Variants in ZBTB20 observed in about 807,000 individuals in gnomAD.
ZBTB20 encodes zinc finger and BTB domain containing 20, also known as zinc finger and BTB domain-containing protein 20.
In ZBTB20, 9 loss-of-function variants were observed where a neutral mutation model predicts 56.9. That is an observed-to-expected ratio of 0.16 (90% confidence interval 0.10 to 0.28). ZBTB20 has a LOEUF of 0.28. Ranked by LOEUF, ZBTB20 falls within the 10% of genes least tolerant of loss-of-function variation. ZBTB20 has a pLI of 1.00. For missense variants in ZBTB20, 655 were observed against 1,003.0 expected (o/e 0.65, Z 4.69); for synonymous variants, 417 against 420.7 (o/e 0.99, Z 0.11).
chr3:114,976,101 T>C lies in ZBTB20; in HGVS notation c.-506-1685A>G, dbSNP rs879477814. On this transcript the variant is annotated intron_variant, in intron 2 of 11. Transcript: ENST00000675478. ...ACAAACTTCTACAATGCATTCTTTA[T>C]TCTTCCATTCAATATTCATTCTAGC... Among the ~76,000 whole-genome samples the C allele has an allele frequency of 5.9e-5, 9 of 152,360 alleles. No individual in the cohort carries two copies. The East Asian group carries it at 1.5e-3, about 26-fold the overall frequency.
intron 4 of ZBTB20, among the ~76,000 whole-genome samples, chr3:114,869,336 T>A (rs1185685614): frequency 6.6e-6 from 1 of 152,224 alleles, no homozygotes; most frequent in Non-Finnish European, 1.5e-5. Context: ...TAAAATAGTC[T>A]TTTATTAATT....
rs1174421072 is a variant in ZBTB20 at position 114,636,729 on chromosome 3, CA to C, written c.-295+56798del. Reference sequence around the variant, plus strand: ...ATTGCTACAAAAGATAATCAAATCACAAAAAAAGACAGCAACAGAGGGACAA... The same window carrying C: ...ATTGCTACAAAAGATAATCAAATCACAAAAAAGACAGCAACAGAGGGACAA... On this transcript the variant is annotated intron_variant, in intron 6 of 11. Transcript: ENST00000675478. 3.3e-5 allele frequency among the ~76,000 whole-genome samples: 5 copies of C among 151,660 alleles called. No homozygotes were observed. In the East Asian group the frequency reaches 7.7e-4, roughly 24 times the overall value.
intron 2 of ZBTB20, among the ~76,000 whole-genome samples, chr3:114,990,886 T>C (rs761896666): frequency 5.3e-5 from 8 of 152,342 alleles, no homozygotes; most frequent in Non-Finnish European, 1.2e-4. Flanking sequence ...TTCTAGTTTA[T>C]TTGCATAGAG....
intron 5 of ZBTB20, among the ~76,000 whole-genome samples, chr3:114,760,394 A>G (rs998160453): frequency 6.6e-6 from 1 of 152,192 alleles, no homozygotes; most frequent in African/African-American, 2.4e-5. Context: ...AAATATACAT[A>G]AACATGTAGG....
chr3:114,885,984 T>A (rs569751750), intron 4 of ZBTB20, among the ~76,000 whole-genome samples: 1 of 152,370 alleles, frequency 6.6e-6, no homozygotes, highest in East Asian at 1.9e-4. Flanking sequence ...AACATACTTG[T>A]AATATCCTAC....
intron 1 of ZBTB20, among the ~76,000 whole-genome samples, chr3:115,072,966 G>A (rs2108514910): frequency 6.6e-6 from 1 of 152,290 alleles, no homozygotes; most frequent in Middle Eastern, 3.4e-3. Context: ...TGAGATTGTT[G>A]TGAAGAATAA....
intron 4 of ZBTB20, among the ~76,000 whole-genome samples, chr3:114,874,937 C>T (rs2107556429): frequency 6.6e-6 from 1 of 152,264 alleles, no homozygotes; most frequent in Non-Finnish European, 1.5e-5. Flanking sequence ...CCAAACTATG[C>T]TACAGGGGGG....
At chr3:114,984,853 CAACT>C (rs2078470911) in intron 2 of ZBTB20, among the ~76,000 whole-genome samples, 1 of 151,920 alleles carries the variant, frequency 6.6e-6, no homozygotes, top group Non-Finnish European at 1.5e-5. Context: ...CCCTACACAC[CAACT>C]GTTTTACTAA....
chr3:114,645,615 C>T (rs1290892), intron 6 of ZBTB20, among the ~76,000 whole-genome samples: 14,857 of 152,128 alleles, frequency 0.098, 1,105 homozygotes, highest in African/African-American at 0.2. Context: ...TTTGGTATTA[C>T]TATTGGATTT....
At chr3:114,754,770 T>C (rs2067874506) in intron 5 of ZBTB20, among the ~76,000 whole-genome samples, 1 of 152,124 alleles carries the variant, frequency 6.6e-6, no homozygotes, top group Non-Finnish European at 1.5e-5. Flanking sequence ...GAGATATGGC[T>C]TAAAGGGGTT....
intron 2 of ZBTB20, among the ~76,000 whole-genome samples, chr3:115,024,378 T>C (rs1459408316): frequency 6.6e-6 from 1 of 150,920 alleles, no homozygotes; most frequent in African/African-American, 2.4e-5. Context: ...ATAAGGCCCA[T>C]AATGGGACGA....
intron 7 of ZBTB20, among the ~76,000 whole-genome samples, chr3:114,439,147 G>A (rs1466188139): frequency 1.3e-5 from 2 of 151,996 alleles, no homozygotes; most frequent in African/African-American, 2.4e-5. Context: ...ATCAATGTCT[G>A]GGAATTCAAA....
intron 2 of ZBTB20, among the ~76,000 whole-genome samples, chr3:115,028,490 A>C (rs1387916927): frequency 6.6e-6 from 1 of 150,698 alleles, no homozygotes; most frequent in Non-Finnish European, 1.5e-5. Context: ...AATTAACTTC[A>C]TCTGTTTCTT....
At chr3:114,945,767 CATT>C (rs1345660263) in intron 3 of ZBTB20, among the ~76,000 whole-genome samples, 1 of 144,820 alleles carries the variant, frequency 6.9e-6, no homozygotes, top group African/African-American at 2.8e-5. Context: ...TAAAAATCAC[CATT>C]AATAATATGC....
At chr3:114,483,912 A>G (rs2041831110) in intron 7 of ZBTB20, among the ~76,000 whole-genome samples, 1 of 151,764 alleles carries the variant, frequency 6.6e-6, no homozygotes, top group Non-Finnish European at 1.5e-5. Context: ...CTTTGAACTA[A>G]GGTTCAAAGG....
chr3:114,842,643 A>G (rs111859401), intron 4 of ZBTB20, among the ~76,000 whole-genome samples: 1,634 of 152,308 alleles, frequency 0.011, 23 homozygotes, highest in African/African-American at 0.037. Context: ...ACTTCTTAGA[A>G]TAAGTAATAT....
chr3:115,112,547 C>T (rs1008215031), intron 1 of ZBTB20, among the ~76,000 whole-genome samples: 1 of 152,194 alleles, frequency 6.6e-6, no homozygotes, highest in Non-Finnish European at 1.5e-5. Context: ...TGAGTGAGAA[C>T]ACGAGATATC....
intron 3 of ZBTB20, among the ~76,000 whole-genome samples, chr3:114,940,725 T>C (rs974063130): frequency 2.0e-5 from 3 of 146,514 alleles, no homozygotes; most frequent in Admixed American, 2.0e-4. Context: ...GTTACAATAT[T>C]GGCCTTGGGT....
At chr3:114,352,130 C>T (rs1378189484) in intron 10 of ZBTB20, among the ~76,000 whole-genome samples, 1 of 152,176 alleles carries the variant, frequency 6.6e-6, no homozygotes. Context: ...TATTAACTCC[C>T]CAGAGCTTCG....
Sources: gnomAD v4.1 joint callset for allele counts (sites outside exome capture counted in the v4.1 genomes callset) on GRCh38, gnomAD v4.1.1 for gene constraint, MANE v1.5 for transcripts, NCBI Gene and HGNC (gene_info 2026-07-23, HGNC 2026-07-21) for gene names.